Variants in PRICKLE2 observed in about 807,000 individuals in gnomAD.
PRICKLE2 encodes the protein prickle-like protein 2.
A neutral mutation model predicts 81.4 loss-of-function variants in PRICKLE2; 21 were observed. The ratio of observed to expected loss-of-function variants is 0.26; its 90% CI spans 0.18 to 0.37. The LOEUF is 0.37. Ranked by LOEUF, PRICKLE2 falls within the 10% of genes least tolerant of loss-of-function variation. The probability of loss-of-function intolerance (pLI) is 1.00; values close to 1 mark genes in which losing one functional copy is unlikely to be tolerated. For missense variants in PRICKLE2, 940 were observed against 1,109.0 expected (o/e 0.85, Z 2.16); for synonymous variants, 456 against 421.5 (o/e 1.08, Z -1.00).
chr3:64,214,783 C>T (rs1395172150), intron 1 of PRICKLE2, among the ~76,000 whole-genome samples: 5 of 152,132 alleles, frequency 3.3e-5, no homozygotes, highest in African/African-American at 1.2e-4. Context: ...CCTCCTCCAT[C>T]CCAGCCCCCG....
At chr3:64,185,325 C>G (rs1391972039) in intron 2 of PRICKLE2, among the ~76,000 whole-genome samples, 1 of 152,128 alleles carries the variant, frequency 6.6e-6, no homozygotes, top group Non-Finnish European at 1.5e-5. Flanking sequence ...TGGTATCTTT[C>G]AGTAAGTTAG....
At chr3:64,180,291 G>A (rs1218190314) in intron 2 of PRICKLE2, among the ~76,000 whole-genome samples, 1 of 152,160 alleles carries the variant, frequency 6.6e-6, no homozygotes, top group Non-Finnish European at 1.5e-5. Flanking sequence ...ATCTATGTAT[G>A]TATGTGTTTA....
rs1041530265 is a variant in PRICKLE2 at position 64,146,988 on chromosome 3, G to A, written c.1502C>T (p.Pro501Leu). 2.5e-6 allele frequency: 4 copies of A among 1,613,960 alleles called. No homozygotes were observed. Among genetic ancestry groups the A allele is most frequent in the Non-Finnish European group, 3.4e-6 (4 of 1,180,032 alleles). The change falls in exon 7 of 8, where the codon CCC (proline) becomes CTC (leucine). Residue 501 changes from proline (P) to leucine (L), a missense_variant. Transcript: ENST00000638394. ...FSETRGSIQV[P>L]KYEEEEEEEG... ...CTCTTCCTCTTCCTCCTCATATTTG[G>A]GGACTTGGATGCTGCCTCGGGTCTC...
intron 1 of PRICKLE2, among the ~76,000 whole-genome samples, chr3:64,206,677 C>G (rs1171771152): frequency 1.3e-5 from 2 of 152,182 alleles, no homozygotes; most frequent in Non-Finnish European, 2.9e-5. Flanking sequence ...GGGCAGACTG[C>G]TTAAAGAGTG....
chr3:64,242,137 C>T (rs527247301), intron 2 of PRICKLE2, among the ~76,000 whole-genome samples: 1 of 152,252 alleles, frequency 6.6e-6, no homozygotes, highest in African/African-American at 2.4e-5. Flanking sequence ...TATTTGGAGC[C>T]TTCCACCTTC....
intron 7 of PRICKLE2, among the ~76,000 whole-genome samples, chr3:64,116,780 G>T (rs2106960688): frequency 6.6e-6 from 1 of 152,246 alleles, no homozygotes; most frequent in East Asian, 1.9e-4. Flanking sequence ...AAGAAGAGCT[G>T]GTATCATTCC....
chr3:64,255,703 T>C (rs1458890562), intron 2 of PRICKLE2, among the ~76,000 whole-genome samples: 3 of 152,192 alleles, frequency 2.0e-5, no homozygotes, highest in Non-Finnish European at 4.4e-5. Flanking sequence ...TCCTCCTCAG[T>C]AGCAGGATTC....
chr3:64,256,906 A>T (rs945326914), intron 2 of PRICKLE2, among the ~76,000 whole-genome samples: 1 of 152,210 alleles, frequency 6.6e-6, no homozygotes, highest in Non-Finnish European at 1.5e-5. Context: ...GACAAAATGG[A>T]TATGAGTCTT....
intron 2 of PRICKLE2, among the ~76,000 whole-genome samples, chr3:64,236,523 G>A (rs1402373442): frequency 6.6e-6 from 1 of 152,202 alleles, no homozygotes; most frequent in Non-Finnish European, 1.5e-5. Context: ...AATGAGGAAT[G>A]TAACTACAGC....
In PRICKLE2 at chr3:64,136,627, C is replaced by T. The variant is rs369170621; in HGVS notation, c.1660+10203G>A. 1.3e-4 allele frequency among the ~76,000 whole-genome samples: 20 copies of T among 152,014 alleles called. No individual in the cohort carries two copies. In the East Asian group the frequency reaches 2.7e-3, roughly 21 times the overall value. On this transcript the variant is annotated intron_variant, in intron 7 of 7. Coordinates refer to ENST00000638394, the MANE Select transcript of PRICKLE2 (RefSeq NM_198859.4). ...TTCCACTGCTCTGGGAGGCACTTTA[C>T]GTATAGGCAGAGGAGGGGAGGTTAA...
At chr3:64,203,609 G>T (rs147396993) in intron 1 of PRICKLE2, among the ~76,000 whole-genome samples, 26 of 152,176 alleles carry the variant, frequency 1.7e-4, no homozygotes, top group African/African-American at 6.0e-4. Context: ...AAGGAATAAA[G>T]ATAACAAGAA....
chr3:64,191,556 C>G (rs1167199718), intron 2 of PRICKLE2, among the ~76,000 whole-genome samples: 1 of 152,192 alleles, frequency 6.6e-6, no homozygotes, highest in African/African-American at 2.4e-5. Flanking sequence ...GCTTTACTCA[C>G]CCTACGGTGA....
Position 64,099,766 on chromosome 3 carries a change from C to T in PRICKLE2, c.1820G>A (p.Ser607Asn). The T allele has an allele frequency of 1.9e-6, 3 of 1,614,206 alleles. No homozygotes were observed. The highest frequency in any genetic ancestry group is 1.7e-6 in the Non-Finnish European group (2 of 1,180,042). Residue 607 changes from serine to asparagine, a missense_variant, in exon 8 of 8, where the codon AGC becomes AAC. Physicochemically the swap from Ser to Asn is conservative, Grantham distance 46. Around this residue, in one of 2 missense-constraint regions of PRICKLE2, gnomAD observed 670 missense variants for 717.2 expected, o/e 0.93. Coordinates refer to ENST00000638394, the MANE Select transcript of PRICKLE2 (RefSeq NM_198859.4). The surrounding 1 kb of genome is among the most constrained non-coding windows in gnomAD (Gnocchi z 4.3). ...MQFRSAESVR[S>N]LLSAQQYQEM... ...CTGGTACTGCTGGGCAGAGAGCAGG[C>T]TGCGAACTGACTCTGCGCTCCGGAA...
intron 2 of PRICKLE2, among the ~76,000 whole-genome samples, chr3:64,234,963 T>G (rs1405464816): frequency 6.6e-6 from 1 of 152,332 alleles, no homozygotes; most frequent in East Asian, 1.9e-4. Context: ...AAATATTTTT[T>G]CAGCTTTTTC....
At chr3:64,221,114 G>T (rs773653989) in intron 1 of PRICKLE2, among the ~76,000 whole-genome samples, 18 of 152,018 alleles carry the variant, frequency 1.2e-4, no homozygotes, top group Non-Finnish European at 2.1e-4. Flanking sequence ...GGAACCTTCA[G>T]CTTTGCACTT....
intron 2 of PRICKLE2, among the ~76,000 whole-genome samples, chr3:64,240,618 G>C (rs1000988117): frequency 6.6e-6 from 1 of 152,146 alleles, no homozygotes; most frequent in Non-Finnish European, 1.5e-5. Context: ...TCACTTGCTT[G>C]GTAGGCCAGG....
At chr3:64,221,159 C>T (rs1263925596) in intron 1 of PRICKLE2, among the ~76,000 whole-genome samples, 1 of 152,020 alleles carries the variant, frequency 6.6e-6, no homozygotes, top group Non-Finnish European at 1.5e-5. Context: ...GATATTCTCC[C>T]AGCTGCTTCT....
chr3:64,106,747 T>A (rs1251213561), intron 7 of PRICKLE2, among the ~76,000 whole-genome samples: 1 of 152,236 alleles, frequency 6.6e-6, no homozygotes. Flanking sequence ...TCTTGTTGTT[T>A]AAGCCATGGG....
chr3:64,249,610 CA>C (rs377359622), intron 2 of PRICKLE2, among the ~76,000 whole-genome samples: 173 of 152,042 alleles, frequency 1.1e-3, no homozygotes, highest in African/African-American at 4.0e-3. Context: ...AAGAAAGTTA[CA>C]AAAAAAATGA....
Sources: allele counts gnomAD v4.1 joint callset (sites outside exome capture counted in the v4.1 genomes callset), GRCh38; gene constraint gnomAD v4.1.1; regional missense constraint gnomAD v4.1.1; non-coding constraint Gnocchi (gnomAD v3.1); transcripts MANE v1.5; gene names NCBI Gene and HGNC (gene_info 2026-07-23, HGNC 2026-07-21).